Variants in ENPP2 observed in about 807,000 individuals in gnomAD.
The protein encoded by ENPP2 is autotaxin.
A neutral mutation model predicts 120.2 loss-of-function variants in ENPP2; 51 were observed. The observed-to-expected ratio is 0.42, with a 90% CI of 0.34 to 0.54. The LOEUF (loss-of-function observed/expected upper bound fraction) is 0.54. Ranked by LOEUF, ENPP2 falls within the 20% of genes least tolerant of loss-of-function variation. The pLI, the probability that ENPP2 is intolerant of heterozygous loss-of-function variation, is 0.04. For synonymous variants in ENPP2, 365 were observed against 366.4 expected (o/e 1.00, Z 0.04); for missense variants, 920 against 1,066.5 (o/e 0.86, Z 1.91).
intron 1 of ENPP2, among the ~76,000 whole-genome samples, chr8:119,644,201 A>T (rs565643915): frequency 3.3e-5 from 5 of 151,432 alleles, no homozygotes; most frequent in Non-Finnish European, 7.4e-5. Context: ...GTAGATATGA[A>T]TCAGAGGGAG....
chr8:119,560,889 C>CATAT (rs140305487), intron 24 of ENPP2, among the ~76,000 whole-genome samples: 7 of 150,806 alleles, frequency 4.6e-5, no homozygotes, highest in African/African-American at 1.5e-4. Context: ...GGGGAGAGAT[C>CATAT]ATATATATAT....
At chr8:119,624,596 T>C (rs1450536812) in intron 3 of ENPP2, among the ~76,000 whole-genome samples, 2 of 152,190 alleles carry the variant, frequency 1.3e-5, no homozygotes, top group Non-Finnish European at 2.9e-5. Flanking sequence ...ACATCATTCA[T>C]AATAGTAAAA....
chr8:119,589,813 T>A (rs1219176311), intron 13 of ENPP2, among the ~76,000 whole-genome samples: 1 of 152,038 alleles, frequency 6.6e-6, no homozygotes, highest in Non-Finnish European at 1.5e-5. Context: ...ATAACCCCAA[T>A]AAAACTATGG....
rs1563680979 is a variant in ENPP2, at chr8:119,573,407, T to TAAAAAAAAAAAAAAAAAAAAAAAA, written c.1781-2567_1781-2566insTTTTTTTTTTTTTTTTTTTTTTTT. Reference sequence around the variant, plus strand: ...AGGTGACAGAGCGAGGCTCCGTCTCTTAAAAAAAAAAAAAAAAAAGATTCA... The same window carrying TAAAAAAAAAAAAAAAAAAAAAAAA: ...AGGTGACAGAGCGAGGCTCCGTCTCTAAAAAAAAAAAAAAAAAAAAAAAATAAAAAAAAAAAAAAAAAAGATTCA... On this transcript the variant is annotated intron_variant, in intron 19 of 24. Coordinates refer to ENST00000075322, the MANE Select transcript of ENPP2 (RefSeq NM_001040092.3). Among the ~76,000 whole-genome samples, 73 of 71,528 alleles carry TAAAAAAAAAAAAAAAAAAAAAAAA rather than the reference T, an allele frequency of 1.0e-3. 8 individuals carry two copies. The highest frequency in any genetic ancestry group is 4.8e-3 in the African/African-American group (67 of 14,060). 46.9% of individuals were successfully genotyped at this position (71,528 alleles called of 152,430 possible). A position where few individuals can be genotyped will look rare whatever the true frequency, so the allele number is the denominator to read the frequency against.
intron 19 of ENPP2, among the ~76,000 whole-genome samples, chr8:119,574,885 C>T (rs1221607402): frequency 2.6e-5 from 4 of 152,104 alleles, no homozygotes; most frequent in African/African-American, 7.2e-5. Flanking sequence ...TGATTTAAGG[C>T]CTCTCTTTAG....
At chr8:119,647,072 ACTG>A (rs1191966145) in intron 1 of ENPP2, among the ~76,000 whole-genome samples, 2 of 148,846 alleles carry the variant, frequency 1.3e-5, no homozygotes, top group Non-Finnish European at 3.0e-5. Flanking sequence ...ATCTTGGCTC[ACTG>A]CAACCTCCGC....
intron 1 of ENPP2, among the ~76,000 whole-genome samples, chr8:119,648,283 G>A (rs1367117777): frequency 1.3e-5 from 2 of 152,188 alleles, no homozygotes; most frequent in African/African-American, 2.4e-5. Flanking sequence ...ATCTTCTAAA[G>A]TGCTGGGCAT....
chr8:119,672,855 C>T (rs1412023471), intron 1 of ENPP2, among the ~76,000 whole-genome samples: 1 of 152,146 alleles, frequency 6.6e-6, no homozygotes, highest in African/African-American at 2.4e-5. Flanking sequence ...AAGCCCCTGT[C>T]CCACAGGTAA....
At position 119,647,803 on chromosome 8, in the gene ENPP2, G is replaced by A. The variant is rs192684436; in HGVS notation, c.22-9276C>T. ...GTGGATTACCTGAGGTCAGGAGATC[G>A]ATGCCGACCTGGCCAACATGGCAAA... On this transcript the variant is annotated intron_variant, in intron 1 of 25. Transcript: ENST00000427067. Among the ~76,000 whole-genome samples, 1,499 of 152,152 alleles carry A rather than the reference G, an allele frequency of 9.9e-3. 20 individuals carry two copies. In the Middle Eastern group the frequency reaches 0.1, roughly 10 times the overall value.
intron 2 of ENPP2, among the ~76,000 whole-genome samples, chr8:119,630,067 C>G (rs1422903650): frequency 6.6e-6 from 1 of 152,068 alleles, no homozygotes; most frequent in Non-Finnish European, 1.5e-5. Flanking sequence ...TGTCCTGCAA[C>G]CACGCGCCTT....
Position 119,607,986 on chromosome 8 carries a change from GAA to G in ENPP2, c.778-11_778-10del. ...GTGGCTGTAATCCATAGCTAATGAG[GAA>G]AATATAAGCGGCTTAAAATGTGTTC... On this transcript the variant is annotated splice_polypyrimidine_tract_variant and intron_variant, in intron 8 of 24. Coordinates refer to ENST00000075322, the MANE Select transcript of ENPP2 (RefSeq NM_001040092.3). 1 of 1,596,506 alleles carries G rather than the reference GAA, an allele frequency of 6.3e-7. No homozygotes were observed. Among genetic ancestry groups the G allele is most frequent in the Non-Finnish European group, 8.5e-7 (1 of 1,170,340 alleles).
At chr8:119,669,208 G>T (rs1818169348) in intron 1 of ENPP2, among the ~76,000 whole-genome samples, 1 of 152,124 alleles carries the variant, frequency 6.6e-6, no homozygotes, top group Non-Finnish European at 1.5e-5. Flanking sequence ...CTGTTAATCA[G>T]CTCTCCTTTA....
chr8:119,626,500 C>T, intron 3 of ENPP2, 65 bp downstream of exon 3: 2 of 1,363,320 alleles, frequency 1.5e-6, no homozygotes, highest in Non-Finnish European at 2.1e-6. Flanking sequence ...CTCCAGGATG[C>T]ATACAATAGC....
At chr8:119,648,091 A>G (rs570455112) in intron 1 of ENPP2, among the ~76,000 whole-genome samples, 1 of 152,326 alleles carries the variant, frequency 6.6e-6, no homozygotes, top group South Asian at 2.1e-4. Flanking sequence ...CTTCTCTAAA[A>G]CATGAGTTTC....
intron 9 of ENPP2, among the ~76,000 whole-genome samples, chr8:119,606,943 C>T (rs529405326): frequency 1.1e-3 from 164 of 152,040 alleles, no homozygotes; most frequent in Non-Finnish European, 2.0e-3. Context: ...ACTAAGGAAC[C>T]TTAAAAATCA....
At chr8:119,654,731 A>G (rs994646596) in intron 1 of ENPP2, among the ~76,000 whole-genome samples, 3 of 152,098 alleles carry the variant, frequency 2.0e-5, no homozygotes, top group East Asian at 1.9e-4. Context: ...TAGTTATAAA[A>G]AATGAACTAA....
At chr8:119,666,972 G>T (rs925905033) in intron 1 of ENPP2, among the ~76,000 whole-genome samples, 1 of 152,154 alleles carries the variant, frequency 6.6e-6, no homozygotes, top group East Asian at 1.9e-4. Flanking sequence ...AGTATGAGTA[G>T]TTCATGGGAG....
chr8:119,564,770 A>G, intron 23 of ENPP2, 53 bp downstream of exon 23: 1 of 1,547,990 alleles, frequency 6.5e-7, no homozygotes, highest in Non-Finnish European at 8.8e-7. Flanking sequence ...AAACTTCTTG[A>G]GTGAGATCTT....
Position 119,582,397 on chromosome 8 carries a change from A to T in ENPP2, c.1728+21T>A, listed in dbSNP as rs777966720. On this transcript the variant is annotated intron_variant, in intron 18 of 24. Transcript: ENST00000075322. ...GCCACCCAACAAACTTCTCCATAAT[A>T]AACATAAAGATTATTTCTACCTTTG... The T allele has an allele frequency of 1.2e-5, 20 of 1,602,102 alleles. No homozygotes were observed. The South Asian group carries it at 2.0e-4, about 16-fold the overall frequency.
Sources: gnomAD v4.1 joint callset for allele counts (sites outside exome capture counted in the v4.1 genomes callset) on GRCh38, gnomAD v4.1.1 for gene constraint, MANE v1.5 for transcripts, NCBI Gene and HGNC (gene_info 2026-07-23, HGNC 2026-07-21) for gene names.